LDLRAD3: variants seen among roughly 807,000 people sequenced by gnomAD.
LDLRAD3 encodes the protein low-density lipoprotein receptor class A domain-containing protein 3.
In LDLRAD3, 20 loss-of-function variants were observed where a neutral mutation model predicts 29.4. The ratio of observed to expected loss-of-function variants is 0.68; its 90% CI spans 0.48 to 0.99. LDLRAD3 has a LOEUF of 0.99. Among genes scored for constraint, LDLRAD3 ranks in the 50% least tolerant of loss-of-function variants. LDLRAD3 has a pLI of 0.00. For missense variants in LDLRAD3, 420 were observed against 454.3 expected (o/e 0.92, Z 0.69); for synonymous variants, 157 against 192.7 (o/e 0.81, Z 1.53).
intron 4 of LDLRAD3, among the ~76,000 whole-genome samples, chr11:36,202,059 T>TTTTG (rs1318672805): frequency 5.9e-4 from 90 of 151,662 alleles, no homozygotes; most frequent in African/African-American, 2.1e-3. Context: ...TTTTTTTTTT[T>TTTTG]TTAAGACGGA....
chr11:36,083,735 T>TAC (rs59333454), intron 3 of LDLRAD3, among the ~76,000 whole-genome samples: 2,407 of 126,830 alleles, frequency 0.019, 27 homozygotes, highest in African/African-American at 0.024. Flanking sequence ...AGGGAGAAAT[T>TAC]ACACACACAC....
intron 4 of LDLRAD3, among the ~76,000 whole-genome samples, chr11:36,206,718 G>T (rs1042304403): frequency 7.1e-6 from 1 of 140,038 alleles, no homozygotes; most frequent in Non-Finnish European, 1.5e-5. Flanking sequence ...AAGACTTGTT[G>T]ATTTTACTTT....
chr11:36,152,691 A>C (rs982981593), intron 4 of LDLRAD3, among the ~76,000 whole-genome samples: 14 of 152,240 alleles, frequency 9.2e-5, no homozygotes, highest in African/African-American at 3.1e-4. Flanking sequence ...AAAGGTGTGC[A>C]GAAAAAAGTT....
chr11:36,146,685 C>T (rs1854198684), intron 4 of LDLRAD3, among the ~76,000 whole-genome samples: 1 of 152,006 alleles, frequency 6.6e-6, no homozygotes, highest in Non-Finnish European at 1.5e-5. Flanking sequence ...CTTGTAGACG[C>T]ATCCCTGCAA....
At chr11:36,182,312 A>G (rs904245544) in intron 4 of LDLRAD3, among the ~76,000 whole-genome samples, 1 of 152,174 alleles carries the variant, frequency 6.6e-6, no homozygotes, top group African/African-American at 2.4e-5. Flanking sequence ...TTGAAACTAC[A>G]TAGTGCTTAT....
chr11:36,034,863 C>T (rs1852282939), intron 1 of LDLRAD3, among the ~76,000 whole-genome samples: 1 of 152,190 alleles, frequency 6.6e-6, no homozygotes. Context: ...GTAAAAAGAA[C>T]AGCACGCATA....
chr11:36,187,956 C>T (rs1854878056), intron 4 of LDLRAD3, among the ~76,000 whole-genome samples: 1 of 152,160 alleles, frequency 6.6e-6, no homozygotes, highest in Admixed American at 6.5e-5. Context: ...AGTGCTTTCA[C>T]AGTCATTATC....
chr11:35,974,809 T>C (rs1851456424), intron 1 of LDLRAD3, among the ~76,000 whole-genome samples: 1 of 152,198 alleles, frequency 6.6e-6, no homozygotes, highest in Non-Finnish European at 1.5e-5. Flanking sequence ...GCAAGTCCTG[T>C]CCACATTCAG....
intron 4 of LDLRAD3, among the ~76,000 whole-genome samples, chr11:36,129,717 A>T (rs2133304554): frequency 6.6e-6 from 1 of 152,240 alleles, no homozygotes; most frequent in African/African-American, 2.4e-5. Context: ...CATCTGCCCT[A>T]AGCCTCCTTC....
intron 4 of LDLRAD3, among the ~76,000 whole-genome samples, chr11:36,219,720 G>A (rs4417242): frequency 0.067 from 10,231 of 152,262 alleles, 452 homozygotes; most frequent in East Asian, 0.2. Flanking sequence ...CAATGATTTA[G>A]GGGAAGATTC....
chr11:36,075,305 C>CTT (rs748027539), intron 2 of LDLRAD3, among the ~76,000 whole-genome samples: 88 of 152,148 alleles, frequency 5.8e-4, no homozygotes, highest in Non-Finnish European at 1.1e-3. Context: ...TTTCATATGC[C>CTT]TTTCACTGTA....
At chr11:36,083,751 C>G (rs797016367) in intron 3 of LDLRAD3, among the ~76,000 whole-genome samples, 1 of 128,162 alleles carries the variant, frequency 7.8e-6, no homozygotes, top group Admixed American at 7.8e-5. Context: ...CACACACACA[C>G]ACACACACAC....
At chr11:36,099,464 A>G (rs4756273) in intron 4 of LDLRAD3, among the ~76,000 whole-genome samples, 38,637 of 152,018 alleles carry the variant, frequency 0.25, 5,099 homozygotes, top group East Asian at 0.37. Flanking sequence ...GCTGTGATTC[A>G]CCTGTATTGT....
At chr11:36,109,672 A>G (rs1419449009) in intron 4 of LDLRAD3, among the ~76,000 whole-genome samples, 2 of 152,170 alleles carry the variant, frequency 1.3e-5, no homozygotes, top group African/African-American at 2.4e-5. Context: ...GATAATTTCT[A>G]CAGAAGTCGT....
intron 1 of LDLRAD3, among the ~76,000 whole-genome samples, chr11:35,980,758 T>G (rs11033358): frequency 0.55 from 83,698 of 152,022 alleles, 24,920 homozygotes; most frequent in East Asian, 0.78. Context: ...ATGAATGAAA[T>G]ACAGATATAG....
chr11:36,149,933 T>C (rs1208036707), intron 4 of LDLRAD3, among the ~76,000 whole-genome samples: 7 of 152,206 alleles, frequency 4.6e-5, no homozygotes, highest in African/African-American at 1.7e-4. Context: ...GCTAAAGCCC[T>C]GGGTCTCTCT....
chr11:36,008,889 A>C (rs115561709), intron 1 of LDLRAD3, among the ~76,000 whole-genome samples: 2,578 of 152,348 alleles, frequency 0.017, 69 homozygotes, highest in African/African-American at 0.057. Flanking sequence ...ATGTTTTTAC[A>C]GCAGCATTAC....
At chr11:35,988,078 G>A (rs1414909631) in intron 1 of LDLRAD3, among the ~76,000 whole-genome samples, 3 of 151,984 alleles carry the variant, frequency 2.0e-5, no homozygotes, top group Non-Finnish European at 4.4e-5. Flanking sequence ...TGTTTTTTGA[G>A]ACATGGTCTC....
At chr11:36,020,725 A>G (rs1372389607) in intron 1 of LDLRAD3, among the ~76,000 whole-genome samples, 6 of 152,242 alleles carry the variant, frequency 3.9e-5, no homozygotes, top group Middle Eastern at 3.4e-3. Flanking sequence ...GGGACTAGGG[A>G]GAAAACCCCT....
Sources: gnomAD v4.1 joint callset for allele counts (sites outside exome capture counted in the v4.1 genomes callset) on GRCh38, gnomAD v4.1.1 for gene constraint, MANE v1.5 for transcripts, NCBI Gene and HGNC (gene_info 2026-07-23, HGNC 2026-07-21) for gene names.